The following DCBLD1 variants were observed in gnomAD, a reference collection of about 807,000 sequenced individuals.
DCBLD1 encodes discoidin, CUB and LCCL domain containing 1.
DCBLD1 carries 57 observed loss-of-function variants against 71.5 expected under a neutral mutation model. That is an observed-to-expected ratio of 0.80 (90% confidence interval 0.64 to 0.99). DCBLD1 has a LOEUF of 0.99. DCBLD1 is among the 50% of genes least tolerant of loss of function. The pLI is 0.00. For synonymous variants in DCBLD1, 380 were observed against 363.8 expected, an observed-to-expected ratio of 1.04 and a Z score of -0.51; for missense variants, 891 against 923.5, an observed-to-expected ratio of 0.96 and a Z score of 0.46.
chr6:117,493,456 A>C (rs1012627561), intron 1 of DCBLD1, among the ~76,000 whole-genome samples: 1 of 152,228 alleles, frequency 6.6e-6, no homozygotes, highest in African/African-American at 2.4e-5. Context: ...AGTAAAGAGT[A>C]CTTCGATAAT....
At chr6:117,485,597 G>A (rs1777058101) in intron 1 of DCBLD1, among the ~76,000 whole-genome samples, 1 of 152,198 alleles carries the variant, frequency 6.6e-6, no homozygotes, top group South Asian at 2.1e-4. Flanking sequence ...TAGACTGTAA[G>A]ATCCTGAGGG....
intron 1 of DCBLD1, among the ~76,000 whole-genome samples, chr6:117,495,769 C>G (rs922491468): frequency 1.3e-5 from 2 of 152,222 alleles, no homozygotes; most frequent in Non-Finnish European, 2.9e-5. Flanking sequence ...GCAGTGTTCA[C>G]TGATTTTATG....
rs145217391 is a variant in DCBLD1, at chr6:117,486,978, C to T, written c.112+4085C>T. 4.0e-4 allele frequency among the ~76,000 whole-genome samples: 61 copies of T among 152,222 alleles called. 1 individual carries two copies. The highest frequency in any genetic ancestry group is 3.4e-3 in the Middle Eastern group (1 of 294). ...CATGTTTGAGGCATCTAGATTGCCA[C>T]GCTCCTTATGAGAATCTAATGCCTG... On this transcript the variant is annotated intron_variant, in intron 1 of 14. Transcript: ENST00000338728.
At chr6:117,488,343 G>C (rs1319648330) in intron 1 of DCBLD1, among the ~76,000 whole-genome samples, 1 of 152,166 alleles carries the variant, frequency 6.6e-6, no homozygotes, top group East Asian at 1.9e-4. Context: ...CACTGTGCAG[G>C]TATTTAAGAA....
chr6:117,543,711 T>C (rs1779174508), intron 12 of DCBLD1, among the ~76,000 whole-genome samples: 1 of 152,200 alleles, frequency 6.6e-6, no homozygotes, highest in Non-Finnish European at 1.5e-5. Flanking sequence ...TGGTAAAGAC[T>C]TAACCTTTGA....
At chr6:117,551,604 C>A (rs1779429129), downstream of DCBLD1, among the ~76,000 whole-genome samples, 1 of 152,130 alleles carries the variant, frequency 6.6e-6, no homozygotes, top group Non-Finnish European at 1.5e-5. Context: ...TCGTCTGGAT[C>A]TCCTGACCTC....
Position 117,549,200 on chromosome 6 carries a change from CTG to C in DCBLD1, c.*765_*766del. The C allele has an allele frequency of 1.0e-6, 1 of 985,438 alleles. No homozygotes were observed. Among genetic ancestry groups the C allele is most frequent in the Middle Eastern group, 5.2e-4 (1 of 1,916 alleles). 61.0% of individuals were successfully genotyped at this position (985,438 alleles called of 1,614,324 possible). A position where few individuals can be genotyped will look rare whatever the true frequency, so the allele number is the denominator to read the frequency against. On this transcript the variant is annotated 3_prime_UTR_variant, in exon 15 of 15. Coordinates refer to ENST00000338728, the MANE Select transcript of DCBLD1 (RefSeq NM_001366458.2). ...GGCACAGGAATTACAGTGTGAATGG[CTG>C]TGTCAGATGTTTTCGTACCTCAGAT...
chr6:117,516,630 T>C (rs749525922), intron 2 of DCBLD1, among the ~76,000 whole-genome samples: 24 of 152,194 alleles, frequency 1.6e-4, no homozygotes, highest in Admixed American at 1.3e-4. Flanking sequence ...CTTTAGCATG[T>C]GTATTGGTCC....
At chr6:117,493,958 G>GTA (rs924061181) in intron 1 of DCBLD1, among the ~76,000 whole-genome samples, 31 of 152,074 alleles carry the variant, frequency 2.0e-4, no homozygotes, top group African/African-American at 6.0e-4. Context: ...GTGTGTATCT[G>GTA]TATATATATG....
At chr6:117,533,162 T>C (rs1005492624) in intron 6 of DCBLD1, among the ~76,000 whole-genome samples, 21 of 152,332 alleles carry the variant, frequency 1.4e-4, no homozygotes, top group African/African-American at 4.6e-4. Flanking sequence ...CTCTCTCTCA[T>C]TCTCTCCTTC....
chr6:117,514,544 A>G lies in DCBLD1; in HGVS notation c.326-5272A>G, dbSNP rs548608051. Among the ~76,000 whole-genome samples the G allele has an allele frequency of 1.3e-4, 19 of 151,598 alleles. No homozygotes were observed. In the South Asian group the frequency reaches 3.3e-3, roughly 27 times the overall value. ...TTGTTTGAGCCCAGGAGGAGCCGTG[A>G]TCACGCCACTGCACTCCAACATGGG... On this transcript the variant is annotated intron_variant, in intron 2 of 14. Transcript: ENST00000338728.
intron 3 of DCBLD1, 79 bp downstream of exon 3, chr6:117,520,029 A>C: frequency 6.3e-7 from 1 of 1,585,104 alleles, no homozygotes; most frequent in Non-Finnish European, 8.6e-7. Flanking sequence ...CCATCCCTGG[A>C]CATAATTGTG....
At chr6:117,537,085 C>T in intron 6 of DCBLD1, 100 bp from the exon 7 acceptor site, 1 of 1,137,710 alleles carries the variant, frequency 8.8e-7, no homozygotes, top group South Asian at 1.3e-5. Flanking sequence ...TGTAAGGAAG[C>T]ACAGGTGGGA....
chr6:117,564,796 C>T (rs12194183), intron 14 of DCBLD1, among the ~76,000 whole-genome samples: 34,742 of 152,048 alleles, frequency 0.23, 4,661 homozygotes, highest in South Asian at 0.4. Context: ...GAGAGCAGCC[C>T]AACAATTAAG....
intron 14 of DCBLD1, chr6:117,562,319 A>T (rs1779600370): frequency 4.9e-6 from 1 of 202,800 alleles, no homozygotes; most frequent in African/African-American, 2.3e-5. Context: ...TTTGATTTGA[A>T]TGTACTGTGT....
At chr6:117,560,335 T>C (rs1340863203) in intron 14 of DCBLD1, 1 of 179,280 alleles carries the variant, frequency 5.6e-6, no homozygotes. Context: ...ATGTAGAAGA[T>C]GCCATCTTTA....
In DCBLD1 at chr6:117,547,997, G is replaced by A; in HGVS notation, c.1706G>A (p.Gly569Glu). The A allele has an allele frequency of 1.3e-6, 2 of 1,550,528 alleles. No individual in the cohort carries two copies. Among genetic ancestry groups the A allele is most frequent in the Non-Finnish European group, 1.7e-6 (2 of 1,146,936 alleles). The change falls in exon 15 of 15, where the codon GGG becomes GAG. Residue 569 changes from glycine (G) to glutamate (E), a missense_variant. Gly to Glu is a moderately conservative substitution (Grantham distance 98). Transcript: ENST00000338728. The stretch of plus-strand genomic sequence containing the variant: ...ATGGACACGGATGCCGAGGAGGCAG[G>A]GGTGAGCACCGATGCCGGCGGCCAC... ...RPMDTDAEEA[G>E]VSTDAGGHYD...
chr6:117,524,024 A>G (rs977805035), intron 4 of DCBLD1, among the ~76,000 whole-genome samples: 5 of 152,122 alleles, frequency 3.3e-5, no homozygotes, highest in Non-Finnish European at 7.4e-5. Context: ...GGGACTAGAG[A>G]TGAAGAAACA....
At position 117,503,748 on chromosome 6, in the gene DCBLD1, C is replaced by G. The variant is rs763916575; in HGVS notation, c.113-19C>G. The G allele has an allele frequency of 5.6e-6, 9 of 1,612,948 alleles. No individual in the cohort carries two copies. The highest frequency in any genetic ancestry group is 4.0e-5 in the African/African-American group (3 of 75,002). Reference sequence around the variant, plus strand: ...ATGACCCCTTCTTCTTTTATTCCCCCCTTCTTTTTCTTTACCAGGTGATGG... The same window carrying G: ...ATGACCCCTTCTTCTTTTATTCCCCGCTTCTTTTTCTTTACCAGGTGATGG... On this transcript the variant is annotated intron_variant, in intron 1 of 14. Coordinates refer to ENST00000338728, the MANE Select transcript of DCBLD1 (RefSeq NM_001366458.2).
Sources: allele counts gnomAD v4.1 joint callset (sites outside exome capture counted in the v4.1 genomes callset), GRCh38; gene constraint gnomAD v4.1.1; transcripts MANE v1.5; gene names NCBI Gene and HGNC (gene_info 2026-07-23, HGNC 2026-07-21).